The following ZHX3 variants were observed in gnomAD, a reference collection of about 807,000 sequenced individuals.
ZHX3 encodes the protein zinc fingers and homeoboxes protein 3.
A neutral mutation model predicts 64.5 loss-of-function variants in ZHX3; 20 were observed. The ratio of observed to expected loss-of-function variants is 0.31; its 90% CI spans 0.22 to 0.45. ZHX3 has a LOEUF of 0.45. ZHX3 is among the 20% of genes least tolerant of loss of function. ZHX3 has a pLI of 1.00. For missense variants in ZHX3, 1,041 were observed against 1,195.8 expected (o/e 0.87, Z 1.91); for synonymous variants, 423 against 461.6 (o/e 0.92, Z 1.07).
intron 2 of ZHX3, among the ~76,000 whole-genome samples, chr20:41,235,200 A>G (rs548772752): frequency 1.1e-4 from 17 of 152,302 alleles, no homozygotes; most frequent in African/African-American, 4.1e-4. Flanking sequence ...AACAACAACA[A>G]CAAAACAAAC....
At position 41,314,016 on chromosome 20, in the gene ZHX3, T is replaced by C. The variant is rs6016543; in HGVS notation, c.-245+3493A>G. Reference sequence around the variant, plus strand: ...AAGTTTTTGAAGGTCTCTGTTTGGATTGTGTTCAAGGAGATCCTTTTTCTT... The same window carrying C: ...AAGTTTTTGAAGGTCTCTGTTTGGACTGTGTTCAAGGAGATCCTTTTTCTT... On this transcript the variant is annotated intron_variant, in intron 1 of 3. Coordinates refer to ENST00000683867, the MANE Select transcript of ZHX3 (RefSeq NM_001384317.1). Among the ~76,000 whole-genome samples, 1,192 of 152,342 alleles carry C rather than the reference T, an allele frequency of 7.8e-3. 12 individuals are homozygous for C. The highest frequency in any genetic ancestry group is 0.027 in the African/African-American group (1,128 of 41,582).
At chr20:41,187,930 C>T (rs1313428159) in intron 3 of ZHX3, among the ~76,000 whole-genome samples, 2 of 152,132 alleles carry the variant, frequency 1.3e-5, no homozygotes, top group African/African-American at 4.8e-5. Flanking sequence ...TATTTCAAGT[C>T]CTCTATTCTA....
chr20:41,292,416 A>G (rs1273675515), intron 1 of ZHX3, among the ~76,000 whole-genome samples: 1 of 152,178 alleles, frequency 6.6e-6, no homozygotes. Flanking sequence ...AATGCTTAAT[A>G]GTAATTTTTT....
chr20:41,297,677 A>G (rs2044601789), intron 1 of ZHX3, among the ~76,000 whole-genome samples: 1 of 152,168 alleles, frequency 6.6e-6, no homozygotes, highest in African/African-American at 2.4e-5. Context: ...TCCCAGAGCA[A>G]GTGAGGAAAT....
chr20:41,225,253 C>T (rs1015109905), intron 2 of ZHX3, among the ~76,000 whole-genome samples: 4 of 152,118 alleles, frequency 2.6e-5, no homozygotes, highest in Non-Finnish European at 5.9e-5. Context: ...ATAGGAAGTA[C>T]ACAAAATGAT....
At chr20:41,221,885 TA>T (rs2039966271) in intron 2 of ZHX3, among the ~76,000 whole-genome samples, 1 of 152,140 alleles carries the variant, frequency 6.6e-6, no homozygotes, top group South Asian at 2.1e-4. Flanking sequence ...TGGGCGGCGG[TA>T]GTAGAGAGAC....
chr20:41,316,024 ACAAACT>A (rs1416181224), intron 1 of ZHX3, among the ~76,000 whole-genome samples: 4 of 151,656 alleles, frequency 2.6e-5, no homozygotes, highest in East Asian at 1.9e-4. Context: ...AAAAAAAAAA[ACAAACT>A]CAAAACCAAA....
At chr20:41,190,957 C>T (rs1448431382) in intron 3 of ZHX3, among the ~76,000 whole-genome samples, 1 of 152,130 alleles carries the variant, frequency 6.6e-6, no homozygotes, top group African/African-American at 2.4e-5. Flanking sequence ...CTCTTGCTGT[C>T]CTTAGAATTA....
chr20:41,188,349 T>G (rs923856038), intron 3 of ZHX3: 2 of 152,062 alleles, frequency 1.3e-5, no homozygotes, highest in African/African-American at 4.8e-5. Flanking sequence ...ATTGGCCATG[T>G]GTATGTCTTC....
Position 41,203,894 on chromosome 20 carries a change from G to C in ZHX3, c.1023C>G (p.Thr341=), listed in dbSNP as rs2038473330. 1 of 1,614,106 alleles carries C rather than the reference G, an allele frequency of 6.2e-7. No homozygotes were observed. The highest frequency in any genetic ancestry group is 1.7e-5 in the Admixed American group (1 of 60,010). Residue 341 remains threonine, a synonymous_variant, in exon 3 of 4, where the codon ACC becomes ACG. Transcript: ENST00000683867. This position sits in a 1 kb window ranked among gnomAD's most constrained non-coding sequence, Gnocchi z 7.1. The part of the protein sequence containing the change: ...KAELCYLTVV[T]KYPEEQLKIW... Reference sequence around the variant, plus strand: ...TCTTGAGCTGTTCTTCTGGATACTTGGTCACCACAGTCAAATAGCAGAGCT... The same window carrying C: ...TCTTGAGCTGTTCTTCTGGATACTTCGTCACCACAGTCAAATAGCAGAGCT...
chr20:41,207,454 C>A (rs2038811150), intron 2 of ZHX3, among the ~76,000 whole-genome samples: 1 of 152,144 alleles, frequency 6.6e-6, no homozygotes, highest in South Asian at 2.1e-4. Flanking sequence ...GTAAAGCACT[C>A]CTCAGCAAAT....
chr20:41,250,671 C>T (rs901454633), intron 2 of ZHX3, among the ~76,000 whole-genome samples: 2 of 152,046 alleles, frequency 1.3e-5, no homozygotes, highest in Non-Finnish European at 2.9e-5. Flanking sequence ...TGCTGAAGGA[C>T]ATAAACCTAG....
chr20:41,311,601 C>T (rs1393271803), intron 1 of ZHX3, among the ~76,000 whole-genome samples: 1 of 152,168 alleles, frequency 6.6e-6, no homozygotes, highest in Non-Finnish European at 1.5e-5. Context: ...TCATTCATTC[C>T]TGCATTCATA....
chr20:41,236,814 T>C (rs1201924455), intron 2 of ZHX3, among the ~76,000 whole-genome samples: 1 of 152,120 alleles, frequency 6.6e-6, no homozygotes, highest in Non-Finnish European at 1.5e-5. Flanking sequence ...GAAACTACCA[T>C]CAGAGTGAAC....
chr20:41,262,974 A>G (rs974102871), intron 2 of ZHX3, among the ~76,000 whole-genome samples: 20 of 152,368 alleles, frequency 1.3e-4, no homozygotes, highest in African/African-American at 4.8e-4. Context: ...GTTTAGCACT[A>G]AGAGATTTGA....
At chr20:41,220,053 G>A (rs2039827957) in intron 2 of ZHX3, among the ~76,000 whole-genome samples, 1 of 152,180 alleles carries the variant, frequency 6.6e-6, no homozygotes, top group African/African-American at 2.4e-5. Context: ...AGAGTCTGAA[G>A]ACAGACAAAC....
chr20:41,273,259 CGTTTT>C (rs939626695), intron 1 of ZHX3, among the ~76,000 whole-genome samples: 2 of 151,994 alleles, frequency 1.3e-5, no homozygotes, highest in Admixed American at 6.6e-5. Flanking sequence ...AAGAGTTTTT[CGTTTT>C]GTTTTGTTTG....
intron 1 of ZHX3, among the ~76,000 whole-genome samples, chr20:41,287,069 A>G (rs551330342): frequency 2.0e-5 from 3 of 152,352 alleles, no homozygotes; most frequent in Non-Finnish European, 2.9e-5. Flanking sequence ...GCAGTATAAG[A>G]ATAGACTAAT....
At chr20:41,233,053 C>G (rs2040730488) in intron 2 of ZHX3, among the ~76,000 whole-genome samples, 1 of 152,234 alleles carries the variant, frequency 6.6e-6, no homozygotes, top group Admixed American at 6.5e-5. Flanking sequence ...TACCAGGAAG[C>G]CTGTTACACA....
Sources: allele counts gnomAD v4.1 joint callset (sites outside exome capture counted in the v4.1 genomes callset), GRCh38; gene constraint gnomAD v4.1.1; non-coding constraint Gnocchi (gnomAD v3.1); transcripts MANE v1.5; gene names NCBI Gene and HGNC (gene_info 2026-07-23, HGNC 2026-07-21).